The following NEXMIF variants were observed in gnomAD, a reference collection of about 807,000 sequenced individuals.
NEXMIF encodes the protein neurite extension and migration factor.
Under a neutral mutation model 62.1 loss-of-function variants are expected in NEXMIF, and 8 were observed. That is an observed-to-expected ratio of 0.13 (90% confidence interval 0.08 to 0.23). The LOEUF (loss-of-function observed/expected upper bound fraction) is 0.23. NEXMIF is among the 10% of genes least tolerant of loss of function. The pLI, the probability that NEXMIF is intolerant of heterozygous loss-of-function variation, is 1.00. For missense variants in NEXMIF, 976 were observed against 1,113.3 expected (o/e 0.88, Z 1.75); for synonymous variants, 404 against 416.6 (o/e 0.97, Z 0.37).
intron 1 of NEXMIF, among the ~76,000 whole-genome samples, chrX:74,832,589 T>C (rs944918893): frequency 8.9e-6 from 1 of 111,955 alleles, no homozygotes; most frequent in African/African-American, 3.2e-5. Context: ...TTGGTTTCAT[T>C]GATTTTTTGT....
At chrX:74,914,936 C>T (rs886145072) in intron 1 of NEXMIF, among the ~76,000 whole-genome samples, 1 of 111,770 alleles carries the variant, frequency 8.9e-6, no homozygotes, top group South Asian at 3.7e-4. Context: ...AGCCAACCCC[C>T]AAAAGTCACA....
chrX:74,788,639 A>T (rs1433714659), intron 1 of NEXMIF, among the ~76,000 whole-genome samples: 2 of 111,465 alleles, frequency 1.8e-5, no homozygotes, highest in African/African-American at 6.5e-5. Flanking sequence ...GTCAAAACTC[A>T]TTATCTAACC....
At chrX:74,915,094 G>A (rs184766414) in intron 1 of NEXMIF, among the ~76,000 whole-genome samples, 10 of 111,551 alleles carry the variant, frequency 9.0e-5, no homozygotes, top group African/African-American at 1.3e-4. Flanking sequence ...GATCTCTAGC[G>A]GTGATGAAAT....
At chrX:74,858,096 C>T (rs774992287) in intron 1 of NEXMIF, among the ~76,000 whole-genome samples, 1 of 112,171 alleles carries the variant, frequency 8.9e-6, no homozygotes, top group Non-Finnish European at 1.9e-5. Context: ...AAACTTGCTG[C>T]CCTGAAGGGA....
chrX:74,755,921 G>T (rs750611269), intron 1 of NEXMIF, among the ~76,000 whole-genome samples: 1 of 111,953 alleles, frequency 8.9e-6, no homozygotes, highest in South Asian at 3.7e-4. Context: ...GTCTCACTCT[G>T]TCATCCAGGC....
At position 74,853,017 on chromosome X, in the gene NEXMIF, C is replaced by CA. The variant is rs1239243593; in HGVS notation, c.-48+71865dup. 7.3e-5 allele frequency among the ~76,000 whole-genome samples: 8 copies of CA among 109,571 alleles called. No homozygotes were observed. In the East Asian group the frequency reaches 8.6e-4, roughly 12 times the overall value. On this transcript the variant is annotated intron_variant, in intron 1 of 3. Transcript: ENST00000055682. ...ATCAACAAAATGAAAAGTTTTTTTT[C>CA]AAAAAAAGATAAAATTGATAAACTG...
intron 1 of NEXMIF, among the ~76,000 whole-genome samples, chrX:74,894,170 G>A (rs866904049): frequency 1.8e-5 from 2 of 110,466 alleles, no homozygotes; most frequent in African/African-American, 3.3e-5. Flanking sequence ...ATGGTGGCAC[G>A]CACCTGTAGT....
chrX:74,900,387 C>T (rs370798789), intron 1 of NEXMIF, among the ~76,000 whole-genome samples: 2 of 106,729 alleles, frequency 1.9e-5, no homozygotes, highest in East Asian at 6.1e-4. Context: ...TCGCTTCAAC[C>T]CAGGAGGTGG....
At chrX:74,915,940 G>T (rs1602276903) in intron 1 of NEXMIF, among the ~76,000 whole-genome samples, 1 of 111,824 alleles carries the variant, frequency 8.9e-6, no homozygotes, top group Non-Finnish European at 1.9e-5. Context: ...CAAAACTGTA[G>T]AAATATAAAT....
Position 74,831,125 on chromosome X carries a change from G to A in NEXMIF, c.-47-85428C>T, listed in dbSNP as rs1051548668. On this transcript the variant is annotated intron_variant, in intron 1 of 3. Transcript: ENST00000055682. ...ATCCTTGTTTTTTCCAATCTTGAAGGAAAGACTTTCTTTTTTTTTATGCCT... is the reference window on the plus strand; with the variant it reads ...ATCCTTGTTTTTTCCAATCTTGAAGAAAAGACTTTCTTTTTTTTTATGCCT... 3.6e-5 allele frequency among the ~76,000 whole-genome samples: 4 copies of A among 110,338 alleles called. No homozygotes were observed. The Admixed American group carries it at 3.9e-4, about 11-fold the overall frequency.
rs753641672 is a variant in NEXMIF, at chrX:74,740,726, C to A, written c.3831G>T (p.Lys1277Asn). Residue 1277 changes from lysine to asparagine, a missense_variant, in exon 3 of 4, where the codon AAG becomes AAT. This residue lies in a region of NEXMIF where 639 missense variants were observed against 694.5 expected (regional missense o/e 0.92). Transcript: ENST00000055682. ...PMASMKMPSQ[K>N]GLSGDWALGK... ...CCAAGGCCCAATCTCCAGAAAGTCC[C>A]TTTTGACTTGGCATCTTCATAGAGG... is the stretch of plus-strand genomic sequence containing the variant. 1 of 1,212,231 alleles carries A rather than the reference C, an allele frequency of 8.2e-7. No individual in the cohort carries two copies. Among genetic ancestry groups the A allele is most frequent in the South Asian group, 1.8e-5 (1 of 57,020 alleles).
At chrX:74,793,509 C>T (rs183376592) in intron 1 of NEXMIF, among the ~76,000 whole-genome samples, 5 of 110,940 alleles carry the variant, frequency 4.5e-5, no homozygotes, top group African/African-American at 1.3e-4. Flanking sequence ...TTTCCTGAAT[C>T]TGAAGGTTGG....
intron 1 of NEXMIF, among the ~76,000 whole-genome samples, chrX:74,837,012 G>A (rs1338270889): frequency 1.8e-5 from 2 of 111,609 alleles, no homozygotes; most frequent in Non-Finnish European, 3.8e-5. Context: ...TAGGGCTGCT[G>A]CAAATGCCCC....
chrX:74,903,032 A>G (rs1238836345), intron 1 of NEXMIF, among the ~76,000 whole-genome samples: 1 of 110,988 alleles, frequency 9.0e-6, no homozygotes, highest in Non-Finnish European at 1.9e-5. Flanking sequence ...GAGGGAAAAT[A>G]GATGTGGAAA....
chrX:74,911,141 C>T lies in NEXMIF; in HGVS notation c.-48+13742G>A, dbSNP rs772112707. 2.1e-3 allele frequency among the ~76,000 whole-genome samples: 235 copies of T among 111,742 alleles called. 6 individuals carry two copies. The highest frequency in any genetic ancestry group is 4.7e-4 in the Non-Finnish European group (25 of 53,166). On this transcript the variant is annotated intron_variant, in intron 1 of 3. Transcript: ENST00000055682. ...ACTGTCTTCAAAAGTAAGTGGCAGC[C>T]GGATGTGGTGGCTCACACCTGTAAT...
chrX:74,764,695 A>G (rs2080189381), intron 1 of NEXMIF, among the ~76,000 whole-genome samples: 1 of 111,442 alleles, frequency 9.0e-6, no homozygotes, highest in Non-Finnish European at 1.9e-5. Context: ...GCCATTCAGG[A>G]GCAGGTTGTT....
At chrX:74,744,738 A>G (rs926924859) in intron 2 of NEXMIF, among the ~76,000 whole-genome samples, 1 of 111,938 alleles carries the variant, frequency 8.9e-6, no homozygotes, top group Non-Finnish European at 1.9e-5. Flanking sequence ...CAGAAATGAG[A>G]AAAGAATTGG....
At chrX:74,758,994 G>A (rs893313770) in intron 1 of NEXMIF, among the ~76,000 whole-genome samples, 1 of 111,996 alleles carries the variant, frequency 8.9e-6, no homozygotes, top group Non-Finnish European at 1.9e-5. Flanking sequence ...TTTCACATTG[G>A]TCAAATTAAT....
intron 1 of NEXMIF, among the ~76,000 whole-genome samples, chrX:74,825,983 G>A (rs1378642255): frequency 1.8e-5 from 2 of 112,718 alleles, no homozygotes; most frequent in Non-Finnish European, 3.7e-5. Flanking sequence ...GAACATAGGT[G>A]TACTTGTGTA....
Sources: gnomAD v4.1 joint callset for allele counts (sites outside exome capture counted in the v4.1 genomes callset) on GRCh38, gnomAD v4.1.1 for gene constraint, gnomAD v4.1.1 regional missense constraint, MANE v1.5 for transcripts, NCBI Gene and HGNC (gene_info 2026-07-23, HGNC 2026-07-21) for gene names.